DEK: variants seen among roughly 807,000 people sequenced by gnomAD.
DEK encodes DEK proto-oncogene, also known as protein DEK.
Under a neutral mutation model 46.8 loss-of-function variants are expected in DEK, and 28 were observed. That is an observed-to-expected ratio of 0.60 (90% CI 0.44 to 0.82). The LOEUF (loss-of-function observed/expected upper bound fraction) is 0.82, where lower values mean the gene tolerates loss of function less well. DEK is among the 40% of genes least tolerant of loss of function. DEK has a pLI of 0.00. For missense variants in DEK, 416 were observed against 430.6 expected, an observed-to-expected ratio of 0.97 and a Z score of 0.30; for synonymous variants, 160 against 144.5, an observed-to-expected ratio of 1.11 and a Z score of -0.77.
intron 7 of DEK, among the ~76,000 whole-genome samples, chr6:18,243,837 C>G (rs1369314642): frequency 6.6e-6 from 1 of 152,110 alleles, no homozygotes; most frequent in Non-Finnish European, 1.5e-5. Flanking sequence ...AAGAACCTCT[C>G]TCTACAAAAA....
chr6:18,258,072 A>C lies in DEK; in HGVS notation c.248-10T>G. The C allele has an allele frequency of 6.4e-7, 1 of 1,562,758 alleles. No individual in the cohort carries two copies. Among genetic ancestry groups the C allele is most frequent in the Non-Finnish European group, 8.7e-7 (1 of 1,152,360 alleles). On this transcript the variant is annotated splice_polypyrimidine_tract_variant and intron_variant, in intron 3 of 10. Transcript: ENST00000652689. ...AGTTTCTGCCCCTTTCCTGGGGAAA[A>C]AAAAAAATCACAATTAAATACCTAT...
In DEK at chr6:18,249,699, T is replaced by C. The variant is rs1791281355; in HGVS notation, c.714A>G (p.Lys238=). ...DESSSDEDEK[K]NKEESSDDED... ...CATCATCTGAAGACTCTTCCTTGTT[T>C]TTCTTTTCATCTTCATCACTACTAG... Residue 238 remains lysine, a synonymous_variant, in exon 7 of 11, where the codon AAA becomes AAG. Transcript: ENST00000652689. 4 of 1,605,020 alleles carry C rather than the reference T, an allele frequency of 2.5e-6. No homozygotes were observed. The highest frequency in any genetic ancestry group is 2.5e-6 in the Non-Finnish European group (3 of 1,177,772).
intron 7 of DEK, among the ~76,000 whole-genome samples, chr6:18,246,166 G>A (rs1206945532): frequency 1.3e-5 from 2 of 152,098 alleles, no homozygotes; most frequent in African/African-American, 2.4e-5. Flanking sequence ...ATCCCACATA[G>A]GAACCAGCTG....
intron 6 of DEK, among the ~76,000 whole-genome samples, chr6:18,253,328 T>C (rs1341836389): frequency 6.6e-6 from 1 of 152,176 alleles, no homozygotes; most frequent in Admixed American, 6.5e-5. Context: ...ATGATAAACG[T>C]TATGATTTCA....
At chr6:18,230,671 G>A (rs890391936) in intron 9 of DEK, among the ~76,000 whole-genome samples, 4 of 152,190 alleles carry the variant, frequency 2.6e-5, no homozygotes, top group Non-Finnish European at 4.4e-5. Flanking sequence ...TCAACAAGGA[G>A]AGCTAACTAT....
At chr6:18,249,931 T>C (rs759502911) in intron 6 of DEK, 92 bp from the exon 7 acceptor site, 26 of 1,443,792 alleles carry the variant, frequency 1.8e-5, no homozygotes, top group Non-Finnish European at 2.4e-5. Flanking sequence ...TTCTTATTCC[T>C]CTCTCAAGAA....
chr6:18,229,563 G>A (rs564112386), intron 9 of DEK, among the ~76,000 whole-genome samples: 8 of 152,284 alleles, frequency 5.3e-5, no homozygotes, highest in East Asian at 1.9e-4. Flanking sequence ...ACCATGGCAC[G>A]AGAACTACGT....
chr6:18,242,080 A>G (rs772873892), intron 7 of DEK, among the ~76,000 whole-genome samples: 1 of 152,262 alleles, frequency 6.6e-6, no homozygotes, highest in Non-Finnish European at 1.5e-5. Flanking sequence ...TGAAGATAGA[A>G]GTACATAAAC....
intron 7 of DEK, among the ~76,000 whole-genome samples, chr6:18,238,179 T>A (rs188533): frequency 1.3e-5 from 2 of 152,060 alleles, no homozygotes; most frequent in African/African-American, 4.8e-5. Context: ...TAGAATCTTG[T>A]GTTCACTGAT....
intron 2 of DEK, among the ~76,000 whole-genome samples, chr6:18,261,652 T>A (rs75863575): frequency 0.03 from 4,545 of 152,332 alleles, 97 homozygotes; most frequent in Non-Finnish European, 0.047. Flanking sequence ...CTATTGCACC[T>A]TTCTTTTGGC....
chr6:18,229,191 AAACT>A (rs1398764734), intron 9 of DEK, among the ~76,000 whole-genome samples: 3 of 152,242 alleles, frequency 2.0e-5, no homozygotes, highest in Non-Finnish European at 1.5e-5. Flanking sequence ...GTTAGAAGGA[AAACT>A]AACAAAAAGA....
chr6:18,249,562 G>C, intron 7 of DEK, 89 bp downstream of exon 7: 2 of 1,405,328 alleles, frequency 1.4e-6, no homozygotes, highest in Non-Finnish European at 1.9e-6. Context: ...CAACCAATAA[G>C]GAAGTGTTTT....
chr6:18,258,820 G>T (rs191715902), intron 2 of DEK, among the ~76,000 whole-genome samples: 1 of 152,176 alleles, frequency 6.6e-6, no homozygotes, highest in Admixed American at 6.5e-5. Flanking sequence ...GGGAGATTAA[G>T]AACTTCAAAA....
At chr6:18,241,039 T>G (rs1022047818) in intron 7 of DEK, among the ~76,000 whole-genome samples, 3 of 152,208 alleles carry the variant, frequency 2.0e-5, no homozygotes, top group Non-Finnish European at 2.9e-5. Context: ...AGGTAGGAAT[T>G]TGGTAAAGTC....
chr6:18,237,833 T>G (rs1238064623), intron 7 of DEK, among the ~76,000 whole-genome samples: 1 of 151,780 alleles, frequency 6.6e-6, no homozygotes, highest in Non-Finnish European at 1.5e-5. Flanking sequence ...CTTCTCTTAT[T>G]TATGTTCTCT....
At position 18,249,909 on chromosome 6, in the gene DEK, TATC is replaced by T. The variant is rs1200369069; in HGVS notation, c.574-73_574-71del. On this transcript the variant is annotated intron_variant, in intron 6 of 10. Transcript: ENST00000652689. Reference sequence around the variant, plus strand: ...TCAATCAATTCTCTTCTTGAAAACTTATCAACTCAATTTCTTATTCCTCTCTCA... The same window carrying T: ...TCAATCAATTCTCTTCTTGAAAACTTAACTCAATTTCTTATTCCTCTCTCA... The T allele has an allele frequency of 2.3e-5, 34 of 1,481,962 alleles. No homozygotes were observed. In the African/African-American group the frequency reaches 4.3e-4, roughly 19 times the overall value. The allele number at this position is 1,481,962 out of a possible 1,614,324, so 91.8% of individuals were successfully genotyped here.
intron 6 of DEK, among the ~76,000 whole-genome samples, chr6:18,255,046 T>TGGGGAAGAATA (rs1381556367): frequency 6.6e-6 from 1 of 152,182 alleles, no homozygotes; most frequent in Non-Finnish European, 1.5e-5. Context: ...CCTGTCAAGA[T>TGGGGAAGAATA]GGGGAAGAAT....
chr6:18,234,232 A>T (rs537813776), intron 9 of DEK, among the ~76,000 whole-genome samples: 1 of 151,958 alleles, frequency 6.6e-6, no homozygotes, highest in South Asian at 2.1e-4. Context: ...AGATACACCT[A>T]ATGTAAATGA....
At chr6:18,255,422 A>T (rs1791557142) in intron 6 of DEK, among the ~76,000 whole-genome samples, 1 of 151,962 alleles carries the variant, frequency 6.6e-6, no homozygotes, top group Admixed American at 6.6e-5. Context: ...CCTCAGCCCA[A>T]CCTCTTCCTA....
Sources: gnomAD v4.1 joint callset for allele counts (sites outside exome capture counted in the v4.1 genomes callset) on GRCh38, gnomAD v4.1.1 for gene constraint, MANE v1.5 for transcripts, NCBI Gene and HGNC (gene_info 2026-07-23, HGNC 2026-07-21) for gene names.